ELAC1: variants seen among roughly 807,000 people sequenced by gnomAD.
ELAC1 encodes zinc phosphodiesterase ELAC protein 1.
Under a neutral mutation model 25.8 loss-of-function variants are expected in ELAC1, and 19 were observed. The observed-to-expected ratio is 0.74, with a 90% CI of 0.51 to 1.08. ELAC1 has a LOEUF of 1.08. Ranked by LOEUF, ELAC1 falls within the 50% of genes least tolerant of loss-of-function variation. The pLI is 0.00. For synonymous variants in ELAC1, 148 were observed against 160.9 expected, an observed-to-expected ratio of 0.92 and a Z score of 0.61; for missense variants, 403 against 434.6, an observed-to-expected ratio of 0.93 and a Z score of 0.65.
At position 50,973,713 on chromosome 18, in the gene ELAC1, T is replaced by TA. The variant is rs200384183; in HGVS notation, c.-8-677dup. 3.3e-3 allele frequency among the ~76,000 whole-genome samples: 509 copies of TA among 152,202 alleles called. 6 individuals carry two copies. The East Asian group carries it at 0.041, about 12-fold the overall frequency. Reference sequence around the variant, plus strand: ...TAGTGTTTATTAGAAGGATTTTTTTTAAAAAAATTAGTAAGTAGAAAGTAC... The same window carrying TA: ...TAGTGTTTATTAGAAGGATTTTTTTTAAAAAAAATTAGTAAGTAGAAAGTAC... On this transcript the variant is annotated intron_variant, in intron 1 of 3. Coordinates refer to ENST00000269466, the MANE Select transcript of ELAC1 (RefSeq NM_018696.3).
chr18:50,981,211 A>G (rs1305240788), intron 2 of ELAC1, among the ~76,000 whole-genome samples: 1 of 152,100 alleles, frequency 6.6e-6, no homozygotes, highest in African/African-American at 2.4e-5. Context: ...TAAATGATAT[A>G]AAAAGTATAA....
chr18:50,980,448 C>G (rs887296542), intron 2 of ELAC1, among the ~76,000 whole-genome samples: 1 of 151,776 alleles, frequency 6.6e-6, no homozygotes, highest in Non-Finnish European at 1.5e-5. Context: ...CTTTAGTTTA[C>G]TACATTTCTA....
chr18:50,987,005 C>T lies in ELAC1; in HGVS notation c.1012C>T (p.Gln338Ter). 1 of 1,611,960 alleles carries T rather than the reference C, an allele frequency of 6.2e-7. No individual in the cohort carries two copies. The highest frequency in any genetic ancestry group is 1.1e-5 in the South Asian group (1 of 90,652). Residue 338 changes from glutamine to a stop codon, truncating the protein, a stop_gained, in exon 4 of 4, where the codon CAA (glutamine) becomes TAA (stop). Transcript: ENST00000269466. LOFTEE classifies it high-confidence loss of function. ...ETDGIAELKK[Q>*]AESVLDLQEV... is the part of the protein sequence containing the mutation. ...AGATGGCATTGCAGAACTAAAAAAG[C>T]AAGCTGAATCAGTGTTAGATCTCCA...
At chr18:50,985,417 C>G (rs1908080924) in intron 3 of ELAC1, among the ~76,000 whole-genome samples, 1 of 152,240 alleles carries the variant, frequency 6.6e-6, no homozygotes, top group Non-Finnish European at 1.5e-5. Flanking sequence ...TAGTTGAAAG[C>G]AAGCATACAG....
intron 1 of ELAC1, among the ~76,000 whole-genome samples, chr18:50,973,380 A>G (rs1310044632): frequency 1.3e-5 from 2 of 152,218 alleles, no homozygotes; most frequent in Non-Finnish European, 2.9e-5. Flanking sequence ...AGATGTACCT[A>G]GAAATAGTGA....
At position 50,984,393 on chromosome 18, in the gene ELAC1, A is replaced by G; in HGVS notation, c.455A>G (p.Gln152Arg). The change falls in exon 3 of 4, where the codon CAA (glutamine) becomes CGA (arginine). Residue 152 changes from glutamine (Q) to arginine (R), a missense_variant. By Grantham distance (43) the Gln-to-Arg change is conservative. Transcript: ENST00000269466. Reference sequence around the variant, plus strand: ...GCAGACAGTCCTCCCAAAGAGGAACAAGGAAGAACTATCCTGTTAGACTCA... The same window carrying G: ...GCAGACAGTCCTCCCAAAGAGGAACGAGGAAGAACTATCCTGTTAGACTCA... ...NRADSPPKEE[Q>R]GRTILLDSEE... 3 of 1,614,220 alleles carry G rather than the reference A, an allele frequency of 1.9e-6. No homozygotes were observed. Among genetic ancestry groups the G allele is most frequent in the South Asian group, 1.1e-5 (1 of 91,082 alleles).
chr18:50,971,245 A>G (rs144651642), intron 1 of ELAC1, among the ~76,000 whole-genome samples: 4 of 152,204 alleles, frequency 2.6e-5, no homozygotes, highest in Non-Finnish European at 4.4e-5. Context: ...ATATATTCCA[A>G]ATTATTCTCC....
intron 2 of ELAC1, among the ~76,000 whole-genome samples, chr18:50,977,416 T>G (rs1230659464): frequency 6.6e-6 from 1 of 152,190 alleles, no homozygotes; most frequent in Non-Finnish European, 1.5e-5. Context: ...CAACACCACA[T>G]CTAAGCTGCT....
At chr18:50,973,247 T>G (rs758683297) in intron 1 of ELAC1, among the ~76,000 whole-genome samples, 2 of 152,238 alleles carry the variant, frequency 1.3e-5, no homozygotes, top group Non-Finnish European at 2.9e-5. Context: ...TTCTTAAGCT[T>G]CTTTGTTTTC....
intron 2 of ELAC1, among the ~76,000 whole-genome samples, chr18:50,975,094 T>C (rs533141283): frequency 9.2e-5 from 14 of 152,240 alleles, no homozygotes; most frequent in Admixed American, 5.2e-4. Flanking sequence ...ACCTGGGAGA[T>C]AGAGCAGTCC....
intron 1 of ELAC1, among the ~76,000 whole-genome samples, chr18:50,970,411 G>A (rs1206164235): frequency 6.6e-6 from 1 of 152,174 alleles, no homozygotes; most frequent in Non-Finnish European, 1.5e-5. Flanking sequence ...TTAACTTTCT[G>A]CATTCTGTTT....
chr18:50,975,555 A>G (rs567559543), intron 2 of ELAC1, among the ~76,000 whole-genome samples: 1 of 151,524 alleles, frequency 6.6e-6, no homozygotes, highest in African/African-American at 2.4e-5. Context: ...CTAGGCATCT[A>G]CTAAGTATAT....
intron 3 of ELAC1, among the ~76,000 whole-genome samples, chr18:50,985,303 A>G (rs1908076751): frequency 6.6e-6 from 1 of 152,148 alleles, no homozygotes; most frequent in African/African-American, 2.4e-5. Flanking sequence ...GTGCTTTCAG[A>G]GTTTACTTCT....
chr18:50,968,510 C>T (rs1160939923), intron 1 of ELAC1: 2 of 152,332 alleles, frequency 1.3e-5, no homozygotes, highest in African/African-American at 4.8e-5. Flanking sequence ...TGCCTGAAAA[C>T]GAAGGAGCGC....
At chr18:50,983,152 G>C (rs1327948098) in intron 2 of ELAC1, among the ~76,000 whole-genome samples, 1 of 119,352 alleles carries the variant, frequency 8.4e-6, no homozygotes, top group Non-Finnish European at 1.7e-5. Context: ...TATTTTACTT[G>C]GTGTTTTTTT....
In ELAC1 at chr18:50,977,992, A is replaced by G. The variant is rs115757908; in HGVS notation, c.157+3431A>G. ...GCCAGTCTCTTTGCTAAAGCATAGC[A>G]AGAATCCCTTTGCTTCAGTTCCCAA... On this transcript the variant is annotated intron_variant, in intron 2 of 3. Transcript: ENST00000269466. 2.1e-3 allele frequency among the ~76,000 whole-genome samples: 322 copies of G among 152,348 alleles called. 2 individuals are homozygous for G. Among genetic ancestry groups the G allele is most frequent in the African/African-American group, 7.4e-3 (307 of 41,582 alleles).
chr18:50,986,011 C>CTTTTTTTTTTTT (rs34348056), intron 3 of ELAC1, among the ~76,000 whole-genome samples: 1 of 85,010 alleles, frequency 1.2e-5, no homozygotes, highest in African/African-American at 4.5e-5. Context: ...TTGATTATAT[C>CTTTTTTTTTTTT]TTTTTTTTTT....
At chr18:50,972,501 A>G (rs1848870) in intron 1 of ELAC1, among the ~76,000 whole-genome samples, 54,882 of 151,806 alleles carry the variant, frequency 0.36, 10,100 homozygotes, top group East Asian at 0.41. Context: ...GTATTTGTTG[A>G]GACAGAGTCT....
At chr18:50,982,971 G>A (rs1907993857) in intron 2 of ELAC1, among the ~76,000 whole-genome samples, 1 of 151,852 alleles carries the variant, frequency 6.6e-6, no homozygotes, top group Non-Finnish European at 1.5e-5. Flanking sequence ...AGGCAATTTT[G>A]GGTTCAGGCA....
Sources: allele counts gnomAD v4.1 joint callset (sites outside exome capture counted in the v4.1 genomes callset), GRCh38; gene constraint gnomAD v4.1.1; transcripts MANE v1.5; gene names NCBI Gene and HGNC (gene_info 2026-07-23, HGNC 2026-07-21).